IL15: variants seen among roughly 807,000 people sequenced by gnomAD.
The protein encoded by IL15 is interleukin 15.
Under a neutral mutation model 19.6 loss-of-function variants are expected in IL15, and 11 were observed. That is an observed-to-expected ratio of 0.56 (90% CI 0.35 to 0.93). IL15 has a LOEUF of 0.93. Ranked by LOEUF, IL15 falls within the 40% of genes least tolerant of loss-of-function variation. The pLI, the probability that IL15 is intolerant of heterozygous loss-of-function variation, is 0.01. For missense variants in IL15, 197 were observed against 186.5 expected, an observed-to-expected ratio of 1.06 and a Z score of -0.33; for synonymous variants, 58 against 59.6, an observed-to-expected ratio of 0.97 and a Z score of 0.12.
At chr4:141,682,667 G>A (rs1728570792) in intron 2 of IL15, among the ~76,000 whole-genome samples, 1 of 152,090 alleles carries the variant, frequency 6.6e-6, no homozygotes, top group South Asian at 2.1e-4. Context: ...CCTTCTCTGG[G>A]GAGTTGGGGA....
intron 2 of IL15, among the ~76,000 whole-genome samples, chr4:141,694,852 G>A (rs1729039967): frequency 6.6e-6 from 1 of 152,164 alleles, no homozygotes; most frequent in Non-Finnish European, 1.5e-5. Flanking sequence ...ATAGATGGCA[G>A]CCCTGCTCTT....
intron 5 of IL15, 45 bp downstream of exon 5, chr4:141,722,053 G>T: frequency 6.6e-7 from 1 of 1,504,012 alleles, no homozygotes; most frequent in South Asian, 1.4e-5. Context: ...AACTGCTATG[G>T]AGTTTGTCTC....
intron 1 of IL15, among the ~76,000 whole-genome samples, chr4:141,653,171 A>G (rs1348429633): frequency 6.6e-6 from 1 of 152,142 alleles, no homozygotes; most frequent in Non-Finnish European, 1.5e-5. Context: ...TTTTATGATG[A>G]AGGATAATTC....
intron 2 of IL15, among the ~76,000 whole-genome samples, chr4:141,701,407 G>C (rs970928325): frequency 2.0e-5 from 3 of 152,048 alleles, no homozygotes; most frequent in Non-Finnish European, 4.4e-5. Flanking sequence ...TAGTTATAGA[G>C]AGACGTTGTG....
intron 2 of IL15, among the ~76,000 whole-genome samples, chr4:141,698,208 T>A (rs575897777): frequency 6.6e-6 from 1 of 152,128 alleles, no homozygotes; most frequent in Admixed American, 6.5e-5. Context: ...TGATGTATTA[T>A]CTTTTTGATA....
chr4:141,723,190 T>C (rs1730146614), intron 5 of IL15, among the ~76,000 whole-genome samples: 1 of 152,194 alleles, frequency 6.6e-6, no homozygotes. Context: ...AGATATAGCA[T>C]ACTATAATGG....
chr4:141,693,804 A>G (rs964405467), intron 2 of IL15, among the ~76,000 whole-genome samples: 11 of 152,222 alleles, frequency 7.2e-5, no homozygotes, highest in African/African-American at 2.2e-4. Flanking sequence ...TCTGGAAGGA[A>G]GAAAATTCTG....
In IL15 at chr4:141,721,218, G is replaced by T. The variant is rs753218819; in HGVS notation, c.110+652G>T. The T allele has an allele frequency of 7.8e-5, 63 of 810,608 alleles. No individual in the cohort carries two copies. In the Middle Eastern group the frequency reaches 1.1e-3, roughly 14 times the overall value. The allele number at this position is 810,608 out of a possible 1,614,324, so 50.2% of individuals were successfully genotyped here. A position where few individuals can be genotyped will look rare whatever the true frequency, so the allele number is the denominator to read the frequency against. ...AAGACAGATTAGTGTTGACTATCAT[G>T]CTTCTGTGTAAGATCCATCAGGAAG... On this transcript the variant is annotated intron_variant, in intron 4 of 7. Transcript: ENST00000320650.
rs139321775 is a variant in IL15 at position 141,707,434 on chromosome 4, CT to C, written c.-99-11929del. On this transcript the variant is annotated intron_variant, in intron 2 of 7. Coordinates refer to ENST00000320650, the MANE Select transcript of IL15 (RefSeq NM_000585.5). ...TCTTCTACTAGGATTTATTGTGTTC[CT>C]TTGGGGGTATCATGTTTTCTTGCTT... Among the ~76,000 whole-genome samples, 479 of 151,978 alleles carry C rather than the reference CT, an allele frequency of 3.2e-3. 2 individuals carry two copies. Among genetic ancestry groups the C allele is most frequent in the Non-Finnish European group, 5.2e-3 (353 of 67,964 alleles).
At chr4:141,695,470 A>G (rs1055404085) in intron 2 of IL15, among the ~76,000 whole-genome samples, 4 of 151,960 alleles carry the variant, frequency 2.6e-5, no homozygotes, top group African/African-American at 9.7e-5. Context: ...GTATTTATCC[A>G]TTCATTTAGT....
chr4:141,654,170 T>C (rs920129732), intron 1 of IL15, among the ~76,000 whole-genome samples: 6 of 152,056 alleles, frequency 3.9e-5, no homozygotes, highest in Non-Finnish European at 7.4e-5. Flanking sequence ...GAGGGAGAAG[T>C]TGGACTGTGA....
chr4:141,720,163 T>C (rs1395022864), intron 3 of IL15, among the ~76,000 whole-genome samples: 1 of 152,094 alleles, frequency 6.6e-6, no homozygotes, highest in Non-Finnish European at 1.5e-5. Context: ...AAAGATAATA[T>C]AAAAACTTTA....
chr4:141,695,272 CTTTTTTTTTTT>C (rs34115620), intron 2 of IL15, among the ~76,000 whole-genome samples: 10 of 62,588 alleles, frequency 1.6e-4, no homozygotes, highest in Middle Eastern at 0.011. Flanking sequence ...TCTATGATAC[CTTTTTTTTTTT>C]TTTTTTTTTT....
chr4:141,723,690 C>G (rs1443364292), intron 5 of IL15, among the ~76,000 whole-genome samples: 5 of 152,108 alleles, frequency 3.3e-5, no homozygotes, highest in Admixed American at 2.6e-4. Context: ...ATATTAACAT[C>G]AAAGTTAATG....
chr4:141,704,969 C>T (rs77077903), intron 2 of IL15, among the ~76,000 whole-genome samples: 2,234 of 151,450 alleles, frequency 0.015, 42 homozygotes, highest in East Asian at 0.058. Flanking sequence ...GAATCTCTCA[C>T]TTGTTTTTTA....
chr4:141,705,149 A>G (rs539813563), intron 2 of IL15, among the ~76,000 whole-genome samples: 1 of 151,686 alleles, frequency 6.6e-6, no homozygotes, highest in Admixed American at 6.6e-5. Flanking sequence ...TATTATTTTT[A>G]GTTCCTTGAG....
intron 3 of IL15, 28 bp downstream of exon 3, chr4:141,719,504 C>A: frequency 7.8e-7 from 1 of 1,289,428 alleles, no homozygotes; most frequent in Non-Finnish European, 1.1e-6. Context: ...TGAAAATATC[C>A]TATGGAATTT....
At chr4:141,714,083 C>CTCCTCCTCCTGTCCCCA (rs952691971) in intron 2 of IL15, among the ~76,000 whole-genome samples, 2 of 152,004 alleles carry the variant, frequency 1.3e-5, no homozygotes, top group African/African-American at 2.4e-5. Context: ...CTTCCCTCTC[C>CTCCTCCTCCTGTCCCCA]TCCTCCTCCT....
intron 2 of IL15, among the ~76,000 whole-genome samples, chr4:141,690,680 C>T (rs1728880231): frequency 6.6e-6 from 1 of 152,196 alleles, no homozygotes; most frequent in Non-Finnish European, 1.5e-5. Context: ...GGTCCAGATA[C>T]TCTACATCAA....
Sources: allele counts gnomAD v4.1 joint callset (sites outside exome capture counted in the v4.1 genomes callset), GRCh38; gene constraint gnomAD v4.1.1; transcripts MANE v1.5; gene names NCBI Gene and HGNC (gene_info 2026-07-23, HGNC 2026-07-21).